The following CSMD1 variants were observed in gnomAD, a reference collection of about 807,000 sequenced individuals.
CSMD1 encodes CUB and Sushi multiple domains 1, also known as CUB and sushi domain-containing protein 1.
In CSMD1, 213 loss-of-function variants were observed where a neutral mutation model predicts 417.5. The observed-to-expected ratio is 0.51, with a 90% CI of 0.46 to 0.57. The LOEUF (loss-of-function observed/expected upper bound fraction) is 0.57. Ranked by LOEUF, CSMD1 falls within the 20% of genes least tolerant of loss-of-function variation. The pLI, the probability that CSMD1 is intolerant of heterozygous loss-of-function variation, is 0.00. For synonymous variants in CSMD1, 2,862 were observed against 1,736.8 expected (o/e 1.65, Z -16.11); for missense variants, 6,923 against 4,529.7 (o/e 1.53, Z -15.17).
intron 18 of CSMD1, among the ~76,000 whole-genome samples, chr8:3,385,211 TCATATA>T (rs1810931238): frequency 1.4e-5 from 2 of 145,402 alleles, no homozygotes; most frequent in Admixed American, 7.1e-5. Flanking sequence ...AAATGTAAAA[TCATATA>T]CATATACATG....
At chr8:4,889,781 A>G (rs1803986664) in intron 1 of CSMD1, among the ~76,000 whole-genome samples, 2 of 152,136 alleles carry the variant, frequency 1.3e-5, no homozygotes, top group Admixed American at 1.3e-4. Flanking sequence ...CTAGAACACT[A>G]ATAGTGAGGG....
chr8:4,013,635 C>G (rs921848438), intron 4 of CSMD1, among the ~76,000 whole-genome samples: 21 of 152,292 alleles, frequency 1.4e-4, no homozygotes, highest in Middle Eastern at 6.8e-3. Flanking sequence ...TTTATGTTAT[C>G]TATCTCCACC....
intron 3 of CSMD1, among the ~76,000 whole-genome samples, chr8:4,177,071 C>G (rs1046228186): frequency 6.6e-6 from 1 of 152,106 alleles, no homozygotes; most frequent in Non-Finnish European, 1.5e-5. Flanking sequence ...ATCTCTGCAC[C>G]AAGCGGACCT....
chr8:3,594,698 T>C (rs1801011022), intron 8 of CSMD1, among the ~76,000 whole-genome samples: 1 of 152,170 alleles, frequency 6.6e-6, no homozygotes, highest in Non-Finnish European at 1.5e-5. Flanking sequence ...AGTTCCTTTA[T>C]TGCTCCATCT....
intron 2 of CSMD1, among the ~76,000 whole-genome samples, chr8:4,564,100 A>G (rs1332515868): frequency 6.6e-6 from 1 of 152,196 alleles, no homozygotes; most frequent in Non-Finnish European, 1.5e-5. Flanking sequence ...TAAATTGATG[A>G]GATAATGGTC....
At chr8:4,161,992 G>A (rs571433454) in intron 3 of CSMD1, among the ~76,000 whole-genome samples, 4 of 152,230 alleles carry the variant, frequency 2.6e-5, no homozygotes, top group Non-Finnish European at 4.4e-5. Flanking sequence ...GTGGCATTGT[G>A]CCTTTGACTA....
chr8:4,312,849 A>T (rs1293984851), intron 3 of CSMD1, among the ~76,000 whole-genome samples: 1 of 152,132 alleles, frequency 6.6e-6, no homozygotes. Context: ...AGGCGGTAAG[A>T]GTGAAACCCC....
In CSMD1 at chr8:4,787,386, A is replaced by AAAG. The variant is rs574424193; in HGVS notation, c.86-149831_86-149829dup. The AAAG allele has an allele frequency of 2.1e-4, 151 of 735,178 alleles. No individual in the cohort carries two copies. The African/African-American group carries it at 2.3e-3, about 11-fold the overall frequency. The allele number at this position is 735,178 out of a possible 1,614,324, so 45.5% of individuals were successfully genotyped here. A position where few individuals can be genotyped will look rare whatever the true frequency, so the allele number is the denominator to read the frequency against. On this transcript the variant is annotated intron_variant, in intron 1 of 69. Transcript: ENST00000635120. ...TAAAAAATTGTATGAGGGTAAAACA[A>AAAG]AAGAAGTCTACGAAAAGTCCTCCTG...
At chr8:4,003,294 G>A (rs537485290) in intron 4 of CSMD1, among the ~76,000 whole-genome samples, 152 of 152,216 alleles carry the variant, frequency 1.0e-3, no homozygotes, top group African/African-American at 2.7e-3. Context: ...TCGCGAGGCT[G>A]AGGCAGGAGA....
chr8:2,954,765 C>T (rs979098225), intron 64 of CSMD1, among the ~76,000 whole-genome samples: 2 of 152,174 alleles, frequency 1.3e-5, no homozygotes, highest in Non-Finnish European at 2.9e-5. Context: ...AATTTCTTAG[C>T]TTTCACAGTT....
chr8:3,141,953 A>C (rs564612289), intron 41 of CSMD1, among the ~76,000 whole-genome samples: 1 of 151,918 alleles, frequency 6.6e-6, no homozygotes, highest in Non-Finnish European at 1.5e-5. Context: ...GCCCGCCACT[A>C]TGCCCAGCTA....
chr8:3,537,505 T>C (rs1421622577), intron 10 of CSMD1, among the ~76,000 whole-genome samples: 1 of 152,234 alleles, frequency 6.6e-6, no homozygotes, highest in Non-Finnish European at 1.5e-5. Context: ...AAGACATTGG[T>C]TCATAAATGT....
chr8:3,254,124 T>A (rs1312694727), intron 26 of CSMD1, among the ~76,000 whole-genome samples: 2 of 152,186 alleles, frequency 1.3e-5, no homozygotes, highest in Non-Finnish European at 2.9e-5. Flanking sequence ...TATTTCTCCT[T>A]CACTTAGGAA....
At chr8:4,950,779 A>G (rs1226463250) in intron 1 of CSMD1, among the ~76,000 whole-genome samples, 1 of 152,150 alleles carries the variant, frequency 6.6e-6, no homozygotes, top group Non-Finnish European at 1.5e-5. Flanking sequence ...ACGCTAAGTC[A>G]GACAATGACC....
At chr8:3,212,983 C>T (rs551052080) in intron 30 of CSMD1, among the ~76,000 whole-genome samples, 9 of 151,882 alleles carry the variant, frequency 5.9e-5, no homozygotes, top group Admixed American at 5.9e-4. Context: ...TGTGCACCAC[C>T]ACGCCCAGCT....
chr8:3,494,498 A>G (rs1255066432), intron 10 of CSMD1, among the ~76,000 whole-genome samples: 1 of 152,164 alleles, frequency 6.6e-6, no homozygotes, highest in East Asian at 1.9e-4. Flanking sequence ...GAGGAATGAT[A>G]GATAGATGAT....
chr8:4,418,154 T>A (rs1047109003), intron 3 of CSMD1, among the ~76,000 whole-genome samples: 5 of 152,076 alleles, frequency 3.3e-5, no homozygotes, highest in African/African-American at 9.7e-5. Flanking sequence ...AAATAGAGGT[T>A]TGTCTTCACT....
At chr8:3,369,407 G>A (rs1809807303) in intron 18 of CSMD1, 37 bp from the exon 19 acceptor site, 1 of 968,262 alleles carries the variant, frequency 1.0e-6, no homozygotes, top group East Asian at 2.5e-5. Flanking sequence ...CAGCACTAAA[G>A]TTTCACAATG....
intron 40 of CSMD1, among the ~76,000 whole-genome samples, chr8:3,144,804 G>A (rs1818738865): frequency 1.5e-5 from 2 of 129,966 alleles, no homozygotes; most frequent in Admixed American, 7.7e-5. Context: ...AGGGGGGGGG[G>A]GAGGGAGGGA....
Sources: gnomAD v4.1 joint callset for allele counts (sites outside exome capture counted in the v4.1 genomes callset) on GRCh38, gnomAD v4.1.1 for gene constraint, MANE v1.5 for transcripts, NCBI Gene and HGNC (gene_info 2026-07-23, HGNC 2026-07-21) for gene names.